PCSK2: variants seen among roughly 807,000 people sequenced by gnomAD.
PCSK2 encodes proprotein convertase subtilisin/kexin type 2.
In PCSK2, 14 loss-of-function variants were observed where a neutral mutation model predicts 69.7. That is an observed-to-expected ratio of 0.20 (90% CI 0.13 to 0.31). The LOEUF (loss-of-function observed/expected upper bound fraction) is 0.31, where lower values mean the gene tolerates loss of function less well. Ranked by LOEUF, PCSK2 falls within the 10% of genes least tolerant of loss-of-function variation. The probability of loss-of-function intolerance (pLI) is 1.00; values close to 1 mark genes in which losing one functional copy is unlikely to be tolerated. For missense variants in PCSK2, 544 were observed against 842.5 expected (o/e 0.65, Z 4.39); for synonymous variants, 307 against 320.7 (o/e 0.96, Z 0.46).
intron 11 of PCSK2, among the ~76,000 whole-genome samples, chr20:17,476,549 A>G (rs1568666266): frequency 6.6e-6 from 1 of 152,162 alleles, no homozygotes; most frequent in Admixed American, 6.5e-5. Context: ...TAAATATACT[A>G]TGTATATGAG....
At chr20:17,266,777 G>T (rs1048130319) in intron 2 of PCSK2, among the ~76,000 whole-genome samples, 1 of 152,162 alleles carries the variant, frequency 6.6e-6, no homozygotes, top group Admixed American at 6.5e-5. Flanking sequence ...GTGAGGCAAA[G>T]GAACCGGACC....
chr20:17,418,877 G>A (rs141458535), intron 6 of PCSK2, among the ~76,000 whole-genome samples: 1 of 152,188 alleles, frequency 6.6e-6, no homozygotes, highest in South Asian at 2.1e-4. Context: ...GCTGAGCAGC[G>A]ATAGGCTTGT....
chr20:17,385,369 A>T (rs929184469), intron 5 of PCSK2, among the ~76,000 whole-genome samples: 6 of 152,220 alleles, frequency 3.9e-5, no homozygotes, highest in Non-Finnish European at 8.8e-5. Context: ...TAGCACCCTC[A>T]TTTGAGAGCT....
intron 2 of PCSK2, among the ~76,000 whole-genome samples, chr20:17,278,936 G>T (rs1383253305): frequency 2.0e-5 from 3 of 151,430 alleles, no homozygotes; most frequent in African/African-American, 2.4e-5. Context: ...AATTTTTTCA[G>T]TATGGTCAAA....
rs374908143 is a variant in PCSK2 at position 17,373,052 on chromosome 20, T to G, written c.543+3775T>G. Among the ~76,000 whole-genome samples the G allele has an allele frequency of 5.0e-4, 76 of 152,244 alleles. 1 individual carries two copies. The South Asian group carries it at 6.0e-3, about 12-fold the overall frequency. On this transcript the variant is annotated intron_variant, in intron 5 of 11. Coordinates refer to ENST00000262545, the MANE Select transcript of PCSK2 (RefSeq NM_002594.5). ...TAAGTGACCTAATGGCTTGGAGGGA[T>G]GAGCCAGCCTGGTGCCCCTTGAGAG...
chr20:17,384,647 T>C (rs1167857154), intron 5 of PCSK2, among the ~76,000 whole-genome samples: 7 of 151,952 alleles, frequency 4.6e-5, no homozygotes, highest in African/African-American at 1.7e-4. Flanking sequence ...AAAATATTTT[T>C]CATAGGCTGA....
chr20:17,440,797 C>T (rs1050807516), intron 8 of PCSK2, among the ~76,000 whole-genome samples: 4 of 150,558 alleles, frequency 2.7e-5, no homozygotes, highest in East Asian at 2.0e-4. Flanking sequence ...GGGAGGCAGA[C>T]GTTGCAGTGA....
At chr20:17,349,537 A>G (rs2029908345) in intron 2 of PCSK2, among the ~76,000 whole-genome samples, 1 of 152,176 alleles carries the variant, frequency 6.6e-6, no homozygotes, top group Non-Finnish European at 1.5e-5. Context: ...GATAACAGTG[A>G]CAAGGATGAC....
At chr20:17,363,745 CAACT>C (rs1043742074) in intron 4 of PCSK2, among the ~76,000 whole-genome samples, 8 of 152,194 alleles carry the variant, frequency 5.3e-5, no homozygotes, top group African/African-American at 1.9e-4. Flanking sequence ...TAAGAATAAA[CAACT>C]AACAGTAAAA....
At chr20:17,369,304 A>T (rs770614643) in intron 5 of PCSK2, 27 bp downstream of exon 5, 2 of 1,598,298 alleles carry the variant, frequency 1.3e-6, no homozygotes, top group African/African-American at 1.3e-5. Flanking sequence ...TTTGGTGGGG[A>T]AACAGATGCA....
At chr20:17,431,828 C>T (rs1600574651) in intron 7 of PCSK2, among the ~76,000 whole-genome samples, 1 of 152,334 alleles carries the variant, frequency 6.6e-6, no homozygotes, top group East Asian at 1.9e-4. Context: ...TCCTGGCTGG[C>T]AATTCCAAAA....
At chr20:17,451,196 T>C (rs988311034) in intron 8 of PCSK2, among the ~76,000 whole-genome samples, 1 of 152,250 alleles carries the variant, frequency 6.6e-6, no homozygotes. Context: ...AAATTAACGT[T>C]TGCTGTTTAC....
intron 2 of PCSK2, among the ~76,000 whole-genome samples, chr20:17,335,160 G>T (rs529563588): frequency 6.6e-6 from 1 of 151,312 alleles, no homozygotes; most frequent in South Asian, 2.1e-4. Context: ...CACTTGGGAT[G>T]CCATATACTT....
intron 2 of PCSK2, among the ~76,000 whole-genome samples, chr20:17,333,049 A>G (rs1990245028): frequency 6.6e-6 from 1 of 152,072 alleles, no homozygotes; most frequent in African/African-American, 2.4e-5. Flanking sequence ...AGATAATAGT[A>G]TTGTATCAAT....
chr20:17,296,798 A>C (rs936715693), intron 2 of PCSK2, among the ~76,000 whole-genome samples: 1 of 152,226 alleles, frequency 6.6e-6, no homozygotes, highest in Admixed American at 6.5e-5. Context: ...GGGTGAATTC[A>C]CGGCTACTGT....
intron 1 of PCSK2, among the ~76,000 whole-genome samples, chr20:17,250,951 T>A (rs1986953472): frequency 6.6e-6 from 1 of 151,934 alleles, no homozygotes; most frequent in Non-Finnish European, 1.5e-5. Context: ...AATACAAAAA[T>A]TAGCCAGGTG....
At chr20:17,452,482 G>A (rs1568656354) in intron 8 of PCSK2, among the ~76,000 whole-genome samples, 1 of 152,236 alleles carries the variant, frequency 6.6e-6, no homozygotes, top group Admixed American at 6.5e-5. Flanking sequence ...AGCACTTGGA[G>A]GTAATCCAGT....
intron 6 of PCSK2, among the ~76,000 whole-genome samples, chr20:17,419,810 T>C (rs562226057): frequency 6.6e-6 from 1 of 152,344 alleles, no homozygotes; most frequent in East Asian, 1.9e-4. Flanking sequence ...AAAATCTCTC[T>C]TGCATAGCAT....
intron 10 of PCSK2, among the ~76,000 whole-genome samples, chr20:17,461,725 A>G (rs1365844686): frequency 6.6e-6 from 1 of 152,240 alleles, no homozygotes; most frequent in African/African-American, 2.4e-5. Flanking sequence ...TGCTGTAAAT[A>G]GAAGTACTAT....
Sources: gnomAD v4.1 joint callset for allele counts (sites outside exome capture counted in the v4.1 genomes callset) on GRCh38, gnomAD v4.1.1 for gene constraint, MANE v1.5 for transcripts, NCBI Gene and HGNC (gene_info 2026-07-23, HGNC 2026-07-21) for gene names.